Variants in SPATA31H1 observed in about 807,000 individuals in gnomAD.
SPATA31H1 encodes spermatogenesis-associated protein 31H1.
chr2:27,576,887 G>A, the SPATA31H1 span: 2 of 1,614,050 alleles, frequency 1.2e-6, no homozygotes, highest in South Asian at 1.1e-5. Flanking sequence ...TGAAATATGG[G>A]GAGCAAACTC....
chr2:27,566,500 TG>T, the SPATA31H1 span: 1 of 647,540 alleles, frequency 1.5e-6, no homozygotes, highest in East Asian at 2.7e-5. Context: ...GTTTTGTCTG[TG>T]GGGGTAGTTC....
chr2:27,573,098 G>A, the SPATA31H1 span: 10 of 397,438 alleles, frequency 2.5e-5, no homozygotes, highest in Non-Finnish European at 4.0e-5. Flanking sequence ...AGCCTGCAGA[G>A]TTGAAATCCT....
the SPATA31H1 span, chr2:27,537,626 A>G: frequency 4.3e-6 from 3 of 700,044 alleles, no homozygotes; most frequent in African/African-American, 5.3e-5. Context: ...AGGCCATAGA[A>G]ACTGCCATAC....
chr2:27,576,685 C>T, the SPATA31H1 span: 2 of 1,614,030 alleles, frequency 1.2e-6, no homozygotes, highest in Non-Finnish European at 1.7e-6. Flanking sequence ...AGGAAGTTCC[C>T]ATCAGGACCA....
chr2:27,563,382 C>CTTT, the SPATA31H1 span, among the ~76,000 whole-genome samples: 19 of 64,802 alleles, frequency 2.9e-4, no homozygotes, highest in East Asian at 5.0e-4. Flanking sequence ...TCCTCTTCTA[C>CTTT]TTCTTTTTTT....
the SPATA31H1 span, chr2:27,579,887 T>C: frequency 1.2e-6 from 2 of 1,614,226 alleles, no homozygotes; most frequent in South Asian, 2.2e-5. Context: ...TACCCCCCGA[T>C]GTGCCTCCAC....
the SPATA31H1 span, chr2:27,580,594 C>G: frequency 6.2e-7 from 1 of 1,614,144 alleles, no homozygotes; most frequent in Non-Finnish European, 8.5e-7. Flanking sequence ...AAAAGACAAC[C>G]TAAGAAACCT....
At chr2:27,570,468 G>A in the SPATA31H1 span, 1 of 398,932 alleles carries the variant, frequency 2.5e-6, no homozygotes, top group East Asian at 3.6e-5. Context: ...GTTTCATAGT[G>A]TGAATTTTGT....
the SPATA31H1 span, chr2:27,566,344 C>T: frequency 7.0e-6 from 5 of 717,212 alleles, no homozygotes; most frequent in East Asian, 2.7e-5. Flanking sequence ...GTCAATGGAG[C>T]GGAGCCTTCA....
chr2:27,539,741 G>T, the SPATA31H1 span, among the ~76,000 whole-genome samples: 6 of 60,876 alleles, frequency 9.9e-5, no homozygotes, highest in African/African-American at 2.4e-4. Flanking sequence ...TGGCCGGGCG[G>T]GGGGCTGACC....
the SPATA31H1 span, among the ~76,000 whole-genome samples, chr2:27,554,242 T>G: frequency 4.1e-4 from 63 of 152,202 alleles, no homozygotes; most frequent in Middle Eastern, 3.4e-3. Flanking sequence ...AGTTCATTTA[T>G]GGCAATGTAG....
At chr2:27,555,036 C>T in the SPATA31H1 span, among the ~76,000 whole-genome samples, 3 of 152,066 alleles carry the variant, frequency 2.0e-5, no homozygotes, top group Admixed American at 6.5e-5. Flanking sequence ...CATTGCAATG[C>T]TCTTTATCAT....
chr2:27,562,908 G>T, the SPATA31H1 span, among the ~76,000 whole-genome samples: 1 of 151,548 alleles, frequency 6.6e-6, no homozygotes, highest in African/African-American at 2.4e-5. Context: ...AAAATTGGGG[G>T]AGTACTGACA....
the SPATA31H1 span, chr2:27,571,908 T>C: frequency 2.5e-6 from 1 of 398,418 alleles, no homozygotes; most frequent in Non-Finnish European, 4.4e-6. Context: ...AAAGCAACAG[T>C]TTCAAGGGAT....
the SPATA31H1 span, among the ~76,000 whole-genome samples, chr2:27,547,298 C>T: frequency 3.3e-5 from 5 of 151,644 alleles, no homozygotes; most frequent in Admixed American, 6.6e-5. Flanking sequence ...CTCAGCCTCC[C>T]GAGTAGCTGG....
At chr2:27,560,835 A>G in the SPATA31H1 span, among the ~76,000 whole-genome samples, 1 of 152,168 alleles carries the variant, frequency 6.6e-6, no homozygotes, top group East Asian at 1.9e-4. Context: ...CATGGCTTGA[A>G]GGTTTTTTGG....
the SPATA31H1 span, chr2:27,577,987 T>C: frequency 2.5e-6 from 4 of 1,614,180 alleles, no homozygotes; most frequent in Admixed American, 1.7e-5. The surrounding 1 kb of genome is among the most constrained non-coding windows in gnomAD (Gnocchi z 4.5). Context: ...GGTCGAATTG[T>C]AGAATTTATG....
At chr2:27,581,033 GAAA>G in the SPATA31H1 span, 1 of 1,614,166 alleles carries the variant, frequency 6.2e-7, no homozygotes, top group Non-Finnish European at 8.5e-7. Context: ...GCAGATCAAA[GAAA>G]AACTTCTATA....
chr2:27,571,081 A>G, the SPATA31H1 span: 1 of 398,434 alleles, frequency 2.5e-6, no homozygotes, highest in Non-Finnish European at 4.4e-6. Context: ...TCAGAGCCAC[A>G]GCTAGAAGAT....
Sources: allele counts gnomAD v4.1 joint callset (sites outside exome capture counted in the v4.1 genomes callset), GRCh38; gene constraint gnomAD v4.1.1; non-coding constraint Gnocchi (gnomAD v3.1); transcripts MANE v1.5; gene names NCBI Gene and HGNC (gene_info 2026-07-23, HGNC 2026-07-21).